COL4A2: variants seen among roughly 807,000 people sequenced by gnomAD.
COL4A2 encodes the protein collagen type IV alpha 2 chain, also known as collagen alpha-2(IV) chain.
A neutral mutation model predicts 200.2 loss-of-function variants in COL4A2; 99 were observed. That is an observed-to-expected ratio of 0.49 (90% confidence interval 0.42 to 0.58). COL4A2 has a LOEUF of 0.58. Among genes scored for constraint, COL4A2 ranks in the 20% least tolerant of loss-of-function variants. The pLI, the probability that COL4A2 is intolerant of heterozygous loss-of-function variation, is 0.00. For synonymous variants in COL4A2, 897 were observed against 900.6 expected, an observed-to-expected ratio of 1.00 and a Z score of 0.07; for missense variants, 1,950 against 2,314.1, an observed-to-expected ratio of 0.84 and a Z score of 3.23.
intron 4 of COL4A2, among the ~76,000 whole-genome samples, chr13:110,364,518 A>G (rs531026407): frequency 5.9e-5 from 9 of 152,330 alleles, no homozygotes; most frequent in Middle Eastern, 3.4e-3. Flanking sequence ...AATTAACTCA[A>G]TTCTACCACA....
chr13:110,437,686 C>T (rs1846921336), intron 13 of COL4A2, among the ~76,000 whole-genome samples: 1 of 152,186 alleles, frequency 6.6e-6, no homozygotes, highest in South Asian at 2.1e-4. Context: ...CACGTTCTCC[C>T]ACCATACGGA....
At chr13:110,446,703 G>A (rs527318070) in intron 17 of COL4A2, 95 bp from the exon 18 acceptor site, 104 of 1,027,644 alleles carry the variant, frequency 1.0e-4, no homozygotes, top group East Asian at 4.1e-4. Context: ...CCAGCCTGAC[G>A]GTCCACGCTC....
intron 40 of COL4A2, among the ~76,000 whole-genome samples, chr13:110,496,796 G>A (rs1299388295): frequency 6.6e-6 from 1 of 150,694 alleles, no homozygotes; most frequent in Non-Finnish European, 1.5e-5. Context: ...CATCAGCACA[G>A]CCTCAGCCAG....
At chr13:110,498,517 C>A (rs1883535025) in intron 40 of COL4A2, among the ~76,000 whole-genome samples, 1 of 152,154 alleles carries the variant, frequency 6.6e-6, no homozygotes, top group Non-Finnish European at 1.5e-5. Flanking sequence ...TTTGTATGAC[C>A]ATGCATTGTT....
At chr13:110,388,267 C>A (rs1474267540) in intron 4 of COL4A2, among the ~76,000 whole-genome samples, 5 of 152,226 alleles carry the variant, frequency 3.3e-5, no homozygotes, top group African/African-American at 1.2e-4. Context: ...TCCCCAGCCG[C>A]AGCCAGGCAG....
At position 110,508,112 on chromosome 13, in the gene COL4A2, C is replaced by G. The variant is rs569625788; in HGVS notation, c.4772C>G (p.Ser1591Cys). The stretch of plus-strand genomic sequence containing the variant: ...ATCAAGCCCTACATCAGCCGCTGTT[C>G]TGTGTGTGAGGCCCCGGCCATCGCC... ...DEIKPYISRC[S>C]VCEAPAIAIA... The change falls in exon 47 of 48, where the codon TCT becomes TGT. Residue 1591 changes from serine (S) to cysteine (C), a missense_variant. Ser to Cys is a moderately radical substitution (Grantham distance 112). Coordinates refer to ENST00000360467, the MANE Select transcript of COL4A2 (RefSeq NM_001846.4). This position sits in a 1 kb window ranked among gnomAD's most constrained non-coding sequence, Gnocchi z 6.1. 14 of 1,614,148 alleles carry G rather than the reference C, an allele frequency of 8.7e-6. No homozygotes were observed. Among genetic ancestry groups the G allele is most frequent in the African/African-American group, 4.0e-5 (3 of 74,960 alleles).
Position 110,504,216 on chromosome 13 carries a change from C to T in COL4A2, c.4354C>T (p.Arg1452Trp), listed in dbSNP as rs200481653. 2.2e-5 allele frequency: 35 copies of T among 1,614,076 alleles called. No homozygotes were observed. The highest frequency in any genetic ancestry group is 1.9e-4 in the African/African-American group (14 of 75,050). Residue 1452 changes from arginine to tryptophan, a missense_variant, in exon 45 of 48, where the codon CGG (arginine) becomes TGG (tryptophan). Coordinates refer to ENST00000360467, the MANE Select transcript of COL4A2 (RefSeq NM_001846.4). ...RGGVSAVPGFRGDEGPIGHQG... is the reference protein window; with the variant it reads ...RGGVSAVPGFWGDEGPIGHQG... ...TGGTGTGTCTGCTGTTCCCGGCTTCCGGGGAGATGAAGGACCCATAGGCCA... is the reference window on the plus strand; with the variant it reads ...TGGTGTGTCTGCTGTTCCCGGCTTCTGGGGAGATGAAGGACCCATAGGCCA...
intron 4 of COL4A2, among the ~76,000 whole-genome samples, chr13:110,398,729 G>A (rs922559258): frequency 6.6e-6 from 1 of 151,948 alleles, no homozygotes; most frequent in African/African-American, 2.4e-5. Context: ...GAAAGGGAAA[G>A]AAAGGAAGAA....
chr13:110,343,644 C>G (rs1360100978), intron 3 of COL4A2, among the ~76,000 whole-genome samples: 1 of 152,240 alleles, frequency 6.6e-6, no homozygotes, highest in Non-Finnish European at 1.5e-5. Flanking sequence ...AAAGATAAAG[C>G]TGCAGGCACC....
At chr13:110,453,265 G>A (rs991203770) in intron 20 of COL4A2, among the ~76,000 whole-genome samples, 9 of 152,098 alleles carry the variant, frequency 5.9e-5, no homozygotes, top group African/African-American at 2.2e-4. Flanking sequence ...CTTTGGGAAA[G>A]CCGAGGGGGG....
At chr13:110,488,158 TG>T (rs1376883868) in intron 34 of COL4A2, among the ~76,000 whole-genome samples, 2 of 152,176 alleles carry the variant, frequency 1.3e-5, no homozygotes, top group Non-Finnish European at 2.9e-5. Context: ...CCCAAGTAGC[TG>T]GGATTACAGG....
Position 110,462,385 on chromosome 13 carries a change from G to T in COL4A2, c.1776+1G>T, listed in dbSNP as rs886039602. ...ATTCCCCGGCCTCCCAGGCCCTCCC[G>T]TGAGTAGCCACAAACTGCGGCAGCT... is the stretch of plus-strand genomic sequence containing the variant. On this transcript the variant is annotated splice_donor_variant, in intron 24 of 47. Transcript: ENST00000360467. LOFTEE classifies it high-confidence loss of function. 1.2e-6 allele frequency: 2 copies of T among 1,611,976 alleles called. No homozygotes were observed. The highest frequency in any genetic ancestry group is 1.7e-6 in the Non-Finnish European group (2 of 1,179,808).
intron 47 of COL4A2, among the ~76,000 whole-genome samples, chr13:110,511,236 A>C (rs77682548): frequency 1.1e-5 from 1 of 91,826 alleles, no homozygotes; most frequent in Non-Finnish European, 2.3e-5. Flanking sequence ...CTTTAAAATG[A>C]AAAAAAAAAA....
At chr13:110,395,466 GTC>G (rs1879151634) in intron 4 of COL4A2, among the ~76,000 whole-genome samples, 1 of 152,130 alleles carries the variant, frequency 6.6e-6, no homozygotes. Flanking sequence ...TCCTGTCTGT[GTC>G]TCTCTCTCCA....
rs75934615 is a variant in COL4A2 at position 110,509,618 on chromosome 13, G to T, written c.4881+1397G>T. ...TCCCGTTGTTAAATTCAAAATAAAT[G>T]AGCCTCTCCCTTGTGAAGGGCATGA... On this transcript the variant is annotated intron_variant, in intron 47 of 47. Coordinates refer to ENST00000360467, the MANE Select transcript of COL4A2 (RefSeq NM_001846.4). Among the ~76,000 whole-genome samples, 486 of 152,104 alleles carry T rather than the reference G, an allele frequency of 3.2e-3. 3 individuals are homozygous for T. Among genetic ancestry groups the T allele is most frequent in the African/African-American group, 0.011 (464 of 41,500 alleles).
chr13:110,492,760 C>T (rs145879635), intron 38 of COL4A2, among the ~76,000 whole-genome samples: 2 of 152,360 alleles, frequency 1.3e-5, no homozygotes, highest in East Asian at 3.9e-4. Flanking sequence ...CATGTCACTC[C>T]CCAGGCCCCT....
intron 22 of COL4A2, among the ~76,000 whole-genome samples, chr13:110,460,170 CTT>C (rs1280377767): frequency 1.3e-5 from 2 of 152,148 alleles, no homozygotes; most frequent in South Asian, 4.1e-4. Flanking sequence ...GCCAAGGAAA[CTT>C]AAAGGATCTG....
intron 22 of COL4A2, 144 bp downstream of exon 22, chr13:110,459,078 A>G: frequency 7.8e-6 from 6 of 773,920 alleles, no homozygotes; most frequent in Non-Finnish European, 1.1e-5. Flanking sequence ...CATTCTAAAA[A>G]CCCACATACC....
intron 3 of COL4A2, among the ~76,000 whole-genome samples, chr13:110,327,272 T>C (rs749560247): frequency 6.6e-6 from 1 of 152,232 alleles, no homozygotes; most frequent in Non-Finnish European, 1.5e-5. Context: ...TTGGGTTGTT[T>C]ACCCCTCCAC....
Sources: gnomAD v4.1 joint callset for allele counts (sites outside exome capture counted in the v4.1 genomes callset) on GRCh38, gnomAD v4.1.1 for gene constraint, Gnocchi (gnomAD v3.1) non-coding constraint, MANE v1.5 for transcripts, NCBI Gene and HGNC (gene_info 2026-07-23, HGNC 2026-07-21) for gene names.